The following NFIB variants were observed in gnomAD, a reference collection of about 807,000 sequenced individuals.
The protein encoded by NFIB is nuclear factor I B.
In NFIB, 11 loss-of-function variants were observed where a neutral mutation model predicts 61.5. The observed-to-expected ratio is 0.18, with a 90% confidence interval of 0.11 to 0.30. The LOEUF (loss-of-function observed/expected upper bound fraction) is 0.30, where lower values mean the gene tolerates loss of function less well. Ranked by LOEUF, NFIB falls within the 10% of genes least tolerant of loss-of-function variation. The probability of loss-of-function intolerance (pLI) is 1.00; values close to 1 mark genes in which losing one functional copy is unlikely to be tolerated. For missense variants in NFIB, 471 were observed against 608.9 expected, an observed-to-expected ratio of 0.77 and a Z score of 2.38; for synonymous variants, 260 against 216.5, an observed-to-expected ratio of 1.20 and a Z score of -1.76.
chr9:14,116,048 C>T, intron 9 of NFIB, 160 bp downstream of exon 9: 1 of 813,790 alleles, frequency 1.2e-6, no homozygotes, highest in Non-Finnish European at 1.7e-6. Flanking sequence ...CACATCCATG[C>T]CTGCTAGCTC....
chr9:14,428,181 A>C, the NFIB span, among the ~76,000 whole-genome samples: 1 of 151,914 alleles, frequency 6.6e-6, no homozygotes. Flanking sequence ...CCTGGGCTCA[A>C]GTAATCCTCC....
chr9:14,266,652 C>T (rs2057227943), intron 2 of NFIB, among the ~76,000 whole-genome samples: 1 of 151,314 alleles, frequency 6.6e-6, no homozygotes, highest in Non-Finnish European at 1.5e-5. Context: ...CTCGGATCTC[C>T]TCTTCCTCTT....
intron 6 of NFIB, among the ~76,000 whole-genome samples, chr9:14,138,551 TA>T (rs977802271): frequency 0.017 from 2,460 of 147,182 alleles, 69 homozygotes; most frequent in African/African-American, 0.056. Flanking sequence ...TGTGATTATG[TA>T]AAAAAAAAAA....
chr9:14,218,551 G>A (rs1220520944), intron 2 of NFIB, among the ~76,000 whole-genome samples: 4 of 152,186 alleles, frequency 2.6e-5, no homozygotes, highest in Non-Finnish European at 5.9e-5. Context: ...AACCTCCTGA[G>A]AGACTGATGA....
At chr9:14,501,138 T>C in the NFIB span, among the ~76,000 whole-genome samples, 1 of 152,198 alleles carries the variant, frequency 6.6e-6, no homozygotes, top group East Asian at 1.9e-4. Context: ...GAGTGGTGAG[T>C]GGGAACAGAA....
chr9:14,261,973 G>A (rs2056797835), intron 2 of NFIB, among the ~76,000 whole-genome samples: 1 of 152,184 alleles, frequency 6.6e-6, no homozygotes, highest in South Asian at 2.1e-4. Context: ...AGGAGGTGGA[G>A]GGGGTACAGT....
At chr9:14,523,513 C>G in the NFIB span, among the ~76,000 whole-genome samples, 1 of 152,160 alleles carries the variant, frequency 6.6e-6, no homozygotes, top group Admixed American at 6.5e-5. Flanking sequence ...TGCCAGAGAC[C>G]TTCCCGACAT....
intron 5 of NFIB, 123 bp downstream of exon 5, chr9:14,150,022 T>G: frequency 7.4e-7 from 1 of 1,355,550 alleles, no homozygotes; most frequent in Non-Finnish European, 1.0e-6. Flanking sequence ...TAAAAATCTG[T>G]GTACTACCAG....
chr9:14,474,924 C>G, the NFIB span, among the ~76,000 whole-genome samples: 1 of 152,164 alleles, frequency 6.6e-6, no homozygotes, highest in African/African-American at 2.4e-5. Context: ...GGGAATTCAC[C>G]CTTCACTCTG....
the NFIB span, among the ~76,000 whole-genome samples, chr9:14,456,769 G>T: frequency 1.3e-5 from 2 of 152,104 alleles, no homozygotes; most frequent in Non-Finnish European, 2.9e-5. Context: ...TTCAATAGGG[G>T]ACAATTTGCC....
chr9:14,217,660 CA>C (rs34055171), intron 2 of NFIB, among the ~76,000 whole-genome samples: 47 of 81,494 alleles, frequency 5.8e-4, no homozygotes, highest in Middle Eastern at 7.2e-3. Flanking sequence ...AACTCCATCT[CA>C]AAAAAAAAAA....
chr9:14,377,610 A>G (rs2061434732), intron 1 of NFIB, among the ~76,000 whole-genome samples: 1 of 152,182 alleles, frequency 6.6e-6, no homozygotes, highest in South Asian at 2.1e-4. Context: ...AGAATACTGT[A>G]TTTTTGAAAG....
chr9:14,442,535 G>A, the NFIB span, among the ~76,000 whole-genome samples: 3 of 152,132 alleles, frequency 2.0e-5, no homozygotes, highest in Non-Finnish European at 2.9e-5. Context: ...CAAGGAGCTA[G>A]CAGGGCTGGT....
chr9:14,092,535 A>C (rs7871569), intron 10 of NFIB, among the ~76,000 whole-genome samples: 15,988 of 151,976 alleles, frequency 0.11, 2,725 homozygotes, highest in African/African-American at 0.36. Context: ...TATATTGCCT[A>C]CACAGGAAGT....
upstream of NFIB, among the ~76,000 whole-genome samples, chr9:14,400,940 C>A (rs916233982): frequency 3.3e-5 from 5 of 152,210 alleles, no homozygotes; most frequent in Admixed American, 6.5e-5. Flanking sequence ...AATCAGCGAC[C>A]ACTCCTCGGG....
the NFIB span, among the ~76,000 whole-genome samples, chr9:14,473,417 T>C: frequency 6.6e-6 from 1 of 152,028 alleles, no homozygotes; most frequent in East Asian, 1.9e-4. Context: ...CCCAGTTCTG[T>C]AGAAAAGTCA....
intron 2 of NFIB, among the ~76,000 whole-genome samples, chr9:14,227,966 C>T (rs1319041913): frequency 1.3e-5 from 2 of 152,106 alleles, no homozygotes; most frequent in African/African-American, 4.8e-5. Flanking sequence ...ACTTCAACAT[C>T]ATTTTCAAGT....
chr9:14,511,605 G>GC, the NFIB span, among the ~76,000 whole-genome samples: 3 of 152,166 alleles, frequency 2.0e-5, no homozygotes, highest in African/African-American at 7.2e-5. Flanking sequence ...AGCCTGAGAT[G>GC]ACACAGCCAG....
chr9:14,082,370 A>C lies in NFIB; in HGVS notation c.*5939T>G, dbSNP rs1020045601. 2.4e-5 allele frequency: 5 copies of C among 204,336 alleles called. No homozygotes were observed. The East Asian group carries it at 3.0e-4, about 12-fold the overall frequency. 12.7% of individuals were successfully genotyped at this position (204,336 alleles called of 1,614,324 possible). A position where few individuals can be genotyped will look rare whatever the true frequency, so the allele number is the denominator to read the frequency against. ...ACTAAATGTATCTAAAGAAACACAC[A>C]GTCCTACAAAAGTTGTTCTCAGAGA... On this transcript the variant is annotated 3_prime_UTR_variant, in exon 11 of 11. Transcript: ENST00000380953.
Sources: allele counts gnomAD v4.1 joint callset (sites outside exome capture counted in the v4.1 genomes callset), GRCh38; gene constraint gnomAD v4.1.1; transcripts MANE v1.5; gene names NCBI Gene and HGNC (gene_info 2026-07-23, HGNC 2026-07-21).